CMC1: variants seen among roughly 807,000 people sequenced by gnomAD.
The protein encoded by CMC1 is C-X9-C motif containing 1, also known as COX assembly mitochondrial protein homolog.
Under a neutral mutation model 14.1 loss-of-function variants are expected in CMC1, and 14 were observed. The observed-to-expected ratio is 0.99, with a 90% CI of 0.66 to 1.55. The LOEUF is 1.55. Ranked by LOEUF, CMC1 falls within the 40% of genes most tolerant of loss-of-function variation. The pLI, the probability that CMC1 is intolerant of heterozygous loss-of-function variation, is 0.00. For missense variants in CMC1, 127 were observed against 123.8 expected (o/e 1.03, Z -0.12); for synonymous variants, 50 against 38.4 (o/e 1.30, Z -1.12).
chr3:28,283,341 C>G (rs1700992694), intron 2 of CMC1, among the ~76,000 whole-genome samples: 1 of 151,570 alleles, frequency 6.6e-6, no homozygotes, highest in Admixed American at 6.6e-5. Flanking sequence ...TGGCGAAACC[C>G]CATCTCTACT....
intron 1 of CMC1, among the ~76,000 whole-genome samples, chr3:28,248,370 G>A (rs780479501): frequency 3.9e-5 from 6 of 152,134 alleles, no homozygotes; most frequent in South Asian, 2.1e-4. Flanking sequence ...AATCAACACC[G>A]AATTTGGGAG....
chr3:28,285,867 C>T (rs985430633), intron 2 of CMC1, among the ~76,000 whole-genome samples: 5 of 151,488 alleles, frequency 3.3e-5, no homozygotes, highest in African/African-American at 9.7e-5. Context: ...CCTGGGTTCA[C>T]GCCATTCTCC....
intron 1 of CMC1, among the ~76,000 whole-genome samples, chr3:28,242,864 G>A (rs1698604056): frequency 6.6e-6 from 1 of 152,082 alleles, no homozygotes; most frequent in Admixed American, 6.5e-5. Flanking sequence ...GGGCTTTGAG[G>A]GATGGAATTT....
At chr3:28,246,806 T>A (rs1698853460) in intron 1 of CMC1, among the ~76,000 whole-genome samples, 1 of 151,718 alleles carries the variant, frequency 6.6e-6, no homozygotes, top group Non-Finnish European at 1.5e-5. Flanking sequence ...TGATTTTTTT[T>A]TTTTTTTTTT....
At chr3:28,246,160 C>G (rs1698817473) in intron 1 of CMC1, among the ~76,000 whole-genome samples, 1 of 150,590 alleles carries the variant, frequency 6.6e-6, no homozygotes, top group Non-Finnish European at 1.5e-5. Context: ...TCTTCTTAGA[C>G]ATAAATTACG....
intron 2 of CMC1, among the ~76,000 whole-genome samples, chr3:28,314,799 A>AT (rs1702811723): frequency 6.6e-6 from 1 of 151,958 alleles, no homozygotes; most frequent in African/African-American, 2.4e-5. Context: ...AATAAATCTC[A>AT]TTTTTGGTTG....
intron 2 of CMC1, among the ~76,000 whole-genome samples, chr3:28,296,279 A>G (rs1225855574): frequency 6.6e-6 from 1 of 152,100 alleles, no homozygotes; most frequent in Non-Finnish European, 1.5e-5. Context: ...CTAAAACCAG[A>G]TGACTTAGGA....
At chr3:28,270,920 C>CTTTTTTTTTTTT (rs71087680) in intron 2 of CMC1, among the ~76,000 whole-genome samples, 3 of 83,738 alleles carry the variant, frequency 3.6e-5, no homozygotes, top group Non-Finnish European at 6.8e-5. Flanking sequence ...GAGTTAATTT[C>CTTTTTTTTTTTT]TTTTTTTTTT....
At chr3:28,244,618 A>G (rs564073989) in intron 1 of CMC1, among the ~76,000 whole-genome samples, 30 of 152,092 alleles carry the variant, frequency 2.0e-4, no homozygotes, top group Non-Finnish European at 1.8e-4. Flanking sequence ...AGTCCCAGCT[A>G]CTCAGGAGGC....
chr3:28,324,375 G>T lies in CMC1; in HGVS notation c.*4746G>T, dbSNP rs776260141. The T allele has an allele frequency of 1.9e-6, 3 of 1,571,436 alleles. No homozygotes were observed. The highest frequency in any genetic ancestry group is 2.6e-6 in the Non-Finnish European group (3 of 1,158,688). Reference sequence around the variant, plus strand: ...TTGGTAAGAGAGGGGGATGTCTTGTGTATGTTGCAGTAAAATTCATCAAGT... The same window carrying T: ...TTGGTAAGAGAGGGGGATGTCTTGTTTATGTTGCAGTAAAATTCATCAAGT... On this transcript the variant is annotated 3_prime_UTR_variant, in exon 4 of 4. Transcript: ENST00000466830.
At chr3:28,260,884 A>G (rs1440294800) in intron 1 of CMC1, among the ~76,000 whole-genome samples, 3 of 152,134 alleles carry the variant, frequency 2.0e-5, no homozygotes, top group African/African-American at 7.2e-5. Flanking sequence ...TAGCTTACAA[A>G]TATTTGGCGA....
chr3:28,260,934 T>C (rs60199196), intron 1 of CMC1, among the ~76,000 whole-genome samples: 6,118 of 152,262 alleles, frequency 0.04, 387 homozygotes, highest in African/African-American at 0.13. Flanking sequence ...TTTAATTACA[T>C]TGGTGTCAGG....
intron 1 of CMC1, among the ~76,000 whole-genome samples, chr3:28,258,085 TAC>T (rs58836047): frequency 6.9e-6 from 1 of 144,918 alleles, no homozygotes; most frequent in African/African-American, 2.5e-5. Context: ...TATATATATA[TAC>T]TTACAATTTG....
At position 28,278,716 on chromosome 3, in the gene CMC1, A is replaced by G. The variant is rs180961465; in HGVS notation, c.109+15336A>G. Among the ~76,000 whole-genome samples the G allele has an allele frequency of 1.4e-3, 215 of 152,342 alleles. 3 individuals carry two copies. Among genetic ancestry groups the G allele is most frequent in the Admixed American group, 0.014 (214 of 15,300 alleles). ...TAGAAAGACATGGTGTCATAGCTCA[A>G]TAAAAAGAGTAAATTACCTATTCGG... On this transcript the variant is annotated intron_variant, in intron 2 of 3. Transcript: ENST00000466830.
chr3:28,254,846 C>G (rs1699310451), intron 1 of CMC1, among the ~76,000 whole-genome samples: 1 of 152,140 alleles, frequency 6.6e-6, no homozygotes, highest in Admixed American at 6.5e-5. Context: ...GTCTTCTAAT[C>G]TGTTTAGTAA....
In CMC1 at chr3:28,324,264, C is replaced by A; in HGVS notation, c.*4635C>A. The stretch of plus-strand genomic sequence containing the variant: ...TAGGAATGGATCTCTCATTGTCTGT[C>A]CATGATTGGAGGATTGCTTTCTCTG... On this transcript the variant is annotated 3_prime_UTR_variant, in exon 4 of 4. Transcript: ENST00000466830. The A allele has an allele frequency of 6.2e-7, 1 of 1,609,460 alleles. No individual in the cohort carries two copies. The highest frequency in any genetic ancestry group is 8.5e-7 in the Non-Finnish European group (1 of 1,176,916).
chr3:28,308,965 G>A (rs1266938734), intron 2 of CMC1, among the ~76,000 whole-genome samples: 1 of 141,976 alleles, frequency 7.0e-6, no homozygotes, highest in Non-Finnish European at 1.5e-5. Context: ...CCCGGCGACG[G>A]AGCGAGACTC....
intron 2 of CMC1, among the ~76,000 whole-genome samples, chr3:28,287,277 C>G (rs1049021549): frequency 6.6e-6 from 1 of 152,114 alleles, no homozygotes; most frequent in Non-Finnish European, 1.5e-5. Context: ...TGACTGGCAT[C>G]TTTGTCTGGA....
rs1454957960 is a variant in CMC1, at chr3:28,304,864, T to C, written c.110-11469T>C. Among the ~76,000 whole-genome samples the C allele has an allele frequency of 2.0e-5, 3 of 152,338 alleles. No individual in the cohort carries two copies. The East Asian group carries it at 5.8e-4, about 29-fold the overall frequency. On this transcript the variant is annotated intron_variant, in intron 2 of 3. Transcript: ENST00000466830. ...AACTGCTTATCATGAACCTGGAACA[T>C]AATCTATTTTAAAGATTCTGACTCC...
Sources: allele counts gnomAD v4.1 joint callset (sites outside exome capture counted in the v4.1 genomes callset), GRCh38; gene constraint gnomAD v4.1.1; transcripts MANE v1.5; gene names NCBI Gene and HGNC (gene_info 2026-07-23, HGNC 2026-07-21).